The following XRCC3 variants were observed in gnomAD, a reference collection of about 807,000 sequenced individuals.
XRCC3 encodes X-ray repair cross complementing 3, also known as DNA repair protein XRCC3.
In XRCC3, 34 loss-of-function variants were observed where a neutral mutation model predicts 29.2. The observed-to-expected ratio is 1.16, with a 90% CI of 0.88 to 1.55. XRCC3 has a LOEUF of 1.55. XRCC3 is among the 40% of genes most tolerant of loss of function. XRCC3 has a pLI of 0.00. For synonymous variants in XRCC3, 223 were observed against 211.3 expected (o/e 1.06, Z -0.48); for missense variants, 463 against 467.6 (o/e 0.99, Z 0.09).
At chr14:103,711,326 G>C (rs771648753) in intron 3 of XRCC3, 81 bp from the exon 4 acceptor site, 2 of 675,926 alleles carry the variant, frequency 3.0e-6, no homozygotes, top group African/African-American at 1.8e-5. Context: ...TTACCTCTAA[G>C]AATTATTTAG....
rs1595618726 is a variant in XRCC3, at chr14:103,698,874, T to G, written c.965A>C (p.His322Pro). The change falls in exon 10 of 10, where the codon CAC (histidine) becomes CCC (proline). Residue 322 changes from histidine (H) to proline (P), a missense_variant. Coordinates refer to ENST00000555055, the MANE Select transcript of XRCC3 (RefSeq NM_005432.4). ...ARTLRVLSAP[H>P]LPPSSCSYTI... The stretch of plus-strand genomic sequence containing the variant: ...GTAGGAACAGGAGGAGGGGGGCAGG[T>G]GGGGGGCAGAGAGCACCCGCAGGGT... The G allele has an allele frequency of 3.1e-6, 5 of 1,605,910 alleles. No individual in the cohort carries two copies. Among genetic ancestry groups the G allele is most frequent in the Non-Finnish European group, 3.4e-6 (4 of 1,176,960 alleles).
intron 7 of XRCC3, chr14:103,702,858 C>A (rs1278840282): frequency 9.9e-6 from 4 of 404,132 alleles, no homozygotes; most frequent in South Asian, 9.5e-5. Flanking sequence ...CGTATCCAGT[C>A]GCCCTCAGTA....
At chr14:103,712,108 G>GGCCCGGCGTGGA (rs2307731) in intron 2 of XRCC3, 219,586 of 230,198 alleles carry the variant, frequency 0.95, 105,039 homozygotes, top group Non-Finnish European at 0.98. Context: ...CAGGGAGACA[G>GGCCCGGCGTGGA]GAACAGACTA....
In XRCC3 at chr14:103,699,603, G is replaced by A. The variant is rs192870310; in HGVS notation, c.562-27C>T. ...TGTGGGGACAGCTGTCATTGTCTAT[G>A]CTGGTCAGCAAGTCCCCGCCCCAGG... On this transcript the variant is annotated intron_variant, in intron 7 of 9. Transcript: ENST00000555055. 1.9e-6 allele frequency: 3 copies of A among 1,611,386 alleles called. No individual in the cohort carries two copies. In the African/African-American group the frequency reaches 4.0e-5, roughly 21 times the overall value.
At chr14:103,706,595 G>A (rs1309425535) in intron 6 of XRCC3, 2 of 374,494 alleles carry the variant, frequency 5.3e-6, no homozygotes, top group Non-Finnish European at 1.0e-5. Context: ...ACAGGCTCAC[G>A]GGGCCGCGCC....
intron 6 of XRCC3, chr14:103,706,304 G>C (rs1167327699): frequency 2.4e-5 from 11 of 456,066 alleles, no homozygotes; most frequent in South Asian, 1.7e-4. Flanking sequence ...AGGGCCTGGG[G>C]TCCGGCCCTG....
chr14:103,714,596 G>A (rs904673838), intron 1 of XRCC3, among the ~76,000 whole-genome samples: 6 of 152,132 alleles, frequency 3.9e-5, no homozygotes. Flanking sequence ...CCGGATGACA[G>A]AGCCAGACTG....
At chr14:103,701,996 C>A (rs922716311) in intron 7 of XRCC3, 2 of 152,276 alleles carry the variant, frequency 1.3e-5, no homozygotes, top group Non-Finnish European at 2.9e-5. Context: ...TCCTTACTTG[C>A]CTTTGGTCAG....
Position 103,698,861 on chromosome 14 carries a change from G to T in XRCC3, c.978C>A (p.Ser326=). 6.2e-7 allele frequency: 1 copy of T among 1,607,832 alleles called. No homozygotes were observed. Among genetic ancestry groups the T allele is most frequent in the Non-Finnish European group, 8.5e-7 (1 of 1,177,764 alleles). ...RVLSAPHLPP[S]SCSYTISAEG... is the part of the protein sequence containing the mutation. ...CGGCACTGATCGTGTAGGAACAGGAGGAGGGGGGCAGGTGGGGGGCAGAGA... is the reference window on the plus strand; with the variant it reads ...CGGCACTGATCGTGTAGGAACAGGATGAGGGGGGCAGGTGGGGGGCAGAGA... The change falls in exon 10 of 10, where the codon TCC becomes TCA. Residue 326 remains serine, a synonymous_variant. Transcript: ENST00000555055.
intron 4 of XRCC3, chr14:103,709,858 T>TGCAGCTGTGGCA (rs1221305100): frequency 6.6e-6 from 1 of 152,120 alleles, no homozygotes; most frequent in Non-Finnish European, 1.5e-5. Flanking sequence ...GCGTCGTGTC[T>TGCAGCTGTGGCA]GCAGCTGTGG....
rs1371058577 is a variant in XRCC3, at chr14:103,707,039, C to T, written c.370G>A (p.Val124Met). ...TQLALQLCLA[V>M]QFPRQHGGLE... is the part of the protein sequence containing the mutation. ...CCTCCGTGCTGCCGCGGGAACTGCACAGCCAGGCAGAGCTGCAGCGCCAGC... is the reference window on the plus strand; with the variant it reads ...CCTCCGTGCTGCCGCGGGAACTGCATAGCCAGGCAGAGCTGCAGCGCCAGC... Residue 124 changes from valine to methionine, a missense_variant, in exon 6 of 10, where the codon GTG becomes ATG. Transcript: ENST00000555055. 2.6e-6 allele frequency: 4 copies of T among 1,567,430 alleles called. No individual in the cohort carries two copies. Among genetic ancestry groups the T allele is most frequent in the East Asian group, 2.4e-5 (1 of 42,328 alleles).
chr14:103,708,703 C>A, intron 4 of XRCC3, 44 bp from the exon 5 acceptor site: 1 of 1,612,758 alleles, frequency 6.2e-7, no homozygotes, highest in Non-Finnish European at 8.5e-7. Flanking sequence ...CAGACTGTCA[C>A]AACGCAGGGC....
chr14:103,707,301 G>C, intron 5 of XRCC3, 86 bp from the exon 6 acceptor site: 1 of 1,484,052 alleles, frequency 6.7e-7, no homozygotes, highest in South Asian at 1.2e-5. Context: ...CAGCCTGCCT[G>C]TGCCAGGTGC....
chr14:103,707,855 C>T, intron 5 of XRCC3: 1 of 190,102 alleles, frequency 5.3e-6, no homozygotes, highest in South Asian at 1.1e-4. Context: ...GGAGTCTGCA[C>T]ACTGCCTTGG....
chr14:103,703,744 G>T, intron 6 of XRCC3: 1 of 290,184 alleles, frequency 3.4e-6, no homozygotes. Context: ...CCGACACATG[G>T]CCACCCTCAA....
Position 103,699,505 on chromosome 14 carries a change from G to T in XRCC3, c.633C>A (p.Val211=). ...LLSRGMARLV[V]IDSVAAPFRC... The stretch of plus-strand genomic sequence containing the variant: ...GGAATGGGGCTGCCACCGAGTCGAT[G>T]ACCACCAGGCGAGCCATGCCCCGAG... The change falls in exon 8 of 10, where the codon GTC becomes GTA. Residue 211 remains valine (V), a synonymous_variant. Transcript: ENST00000555055. The T allele has an allele frequency of 6.2e-7, 1 of 1,612,960 alleles. No individual in the cohort carries two copies. The highest frequency in any genetic ancestry group is 1.1e-5 in the South Asian group (1 of 91,050).
chr14:103,699,392 A>C lies in XRCC3; in HGVS notation c.746T>G (p.Phe249Cys). The change falls in exon 8 of 10, where the codon TTC (phenylalanine) becomes TGC (cysteine). Residue 249 changes from phenylalanine (F) to cysteine (C), a missense_variant. Physicochemically the swap from Phe to Cys is radical, Grantham distance 205. Coordinates refer to ENST00000555055, the MANE Select transcript of XRCC3 (RefSeq NM_005432.4). The part of the protein sequence containing the change: ...GATLRELSSA[F>C]QSPVLCINQV... ...GTTGATGCACAGCACAGGGCTCTGG[A>C]AGGCACTGCTCAGCTCACGCAGCGT... 1 of 1,611,298 alleles carries C rather than the reference A, an allele frequency of 6.2e-7. No homozygotes were observed. The highest frequency in any genetic ancestry group is 8.5e-7 in the Non-Finnish European group (1 of 1,179,388).
At chr14:103,707,317 G>C (rs553338577) in intron 5 of XRCC3, 102 bp from the exon 6 acceptor site, 1 of 1,427,132 alleles carries the variant, frequency 7.0e-7, no homozygotes, top group African/African-American at 1.4e-5. Context: ...GGTGCAGTGT[G>C]GCTGGAGCAC....
intron 7 of XRCC3, 164 bp downstream of exon 7, chr14:103,703,009 A>G: frequency 1.8e-6 from 2 of 1,088,912 alleles, no homozygotes; most frequent in African/African-American, 1.6e-5. Flanking sequence ...CTCTGACCCC[A>G]CCTGCTCCTC....
Sources: allele counts gnomAD v4.1 joint callset (sites outside exome capture counted in the v4.1 genomes callset), GRCh38; gene constraint gnomAD v4.1.1; transcripts MANE v1.5; gene names NCBI Gene and HGNC (gene_info 2026-07-23, HGNC 2026-07-21).